NINL: variants seen among roughly 807,000 people sequenced by gnomAD.
The protein encoded by NINL is ninein like, also known as ninein-like protein.
Under a neutral mutation model 160.3 loss-of-function variants are expected in NINL, and 153 were observed. The ratio of observed to expected loss-of-function variants is 0.95; its 90% CI spans 0.84 to 1.09. The LOEUF (loss-of-function observed/expected upper bound fraction) is 1.09. NINL is among the 50% of genes least tolerant of loss of function. The pLI is 0.00. For missense variants in NINL, 1,829 were observed against 1,764.0 expected (o/e 1.04, Z -0.66); for synonymous variants, 800 against 734.8 (o/e 1.09, Z -1.43).
At chr20:25,484,236 G>GT (rs1381728878) in intron 13 of NINL, among the ~76,000 whole-genome samples, 1 of 152,208 alleles carries the variant, frequency 6.6e-6, no homozygotes, top group Non-Finnish European at 1.5e-5. Context: ...AACCCCAAAA[G>GT]TGAGTTTGCA....
chr20:25,577,743 CCT>C lies in NINL; in HGVS notation c.-12+7710_-12+7711del, dbSNP rs138080016. On this transcript the variant is annotated intron_variant, in intron 1 of 23. Coordinates refer to ENST00000278886, the MANE Select transcript of NINL (RefSeq NM_025176.6). Reference sequence around the variant, plus strand: ...CATCCTGGCGGGGGAGCCCACCACCCCTCTTTGTGTGGGGCCAGCAGAAGCTC... The same window carrying C: ...CATCCTGGCGGGGGAGCCCACCACCCCTTTGTGTGGGGCCAGCAGAAGCTC... 5.1e-4 allele frequency among the ~76,000 whole-genome samples: 77 copies of C among 152,296 alleles called. 1 individual carries two copies. The East Asian group carries it at 0.013, about 26-fold the overall frequency.
At chr20:25,472,058 A>G (rs1358917624) in intron 17 of NINL, among the ~76,000 whole-genome samples, 3 of 152,186 alleles carry the variant, frequency 2.0e-5, no homozygotes, top group South Asian at 2.1e-4. Flanking sequence ...GCAACAAGAA[A>G]CTATTGACAA....
chr20:25,508,023 A>G (rs914427994), intron 5 of NINL, among the ~76,000 whole-genome samples: 3 of 152,208 alleles, frequency 2.0e-5, no homozygotes, highest in African/African-American at 2.4e-5. Context: ...GGTGAAAAAC[A>G]GCCTCCTGCG....
rs758201864 is a variant in NINL at position 25,467,422 on chromosome 20, C to T, written c.3390G>A (p.Lys1130=). The stretch of plus-strand genomic sequence containing the variant: ...TGAGCACCTCCATCTCAGAGCAGGC[C>T]TTTTCCTTGTCTTTCTTTAAAACCT... ...EIEVLKKDKE[K]ACSEMEVLNR... Residue 1130 remains lysine, a synonymous_variant, in exon 19 of 24, where the codon AAG becomes AAA. Transcript: ENST00000278886. 6 of 1,614,136 alleles carry T rather than the reference C, an allele frequency of 3.7e-6. No homozygotes were observed. In the East Asian group the frequency reaches 1.3e-4, roughly 36 times the overall value.
chr20:25,564,135 CTT>C (rs201523304), intron 1 of NINL, among the ~76,000 whole-genome samples: 6 of 138,796 alleles, frequency 4.3e-5, no homozygotes, highest in East Asian at 4.2e-4. Flanking sequence ...GCTGAGGTGG[CTT>C]TTTTTTTTTT....
chr20:25,489,492 AG>A (rs2063575647), intron 12 of NINL, among the ~76,000 whole-genome samples, 168 bp from the exon 13 acceptor site: 1 of 150,558 alleles, frequency 6.6e-6, no homozygotes, highest in African/African-American at 2.4e-5. Context: ...CCCGTCTAGA[AG>A]GTCACAAGAC....
chr20:25,566,408 A>G (rs1315857893), intron 1 of NINL, among the ~76,000 whole-genome samples: 1 of 152,162 alleles, frequency 6.6e-6, no homozygotes, highest in Non-Finnish European at 1.5e-5. Context: ...TATAAGATAA[A>G]TTAAAGTCAA....
chr20:25,515,789 G>A (rs573294151), intron 3 of NINL, among the ~76,000 whole-genome samples: 137 of 151,638 alleles, frequency 9.0e-4, no homozygotes, highest in Middle Eastern at 3.4e-3. Context: ...TTGTTTTTTT[G>A]AGACAGAGTC....
chr20:25,571,052 T>G (rs1418430615), intron 1 of NINL, among the ~76,000 whole-genome samples: 1 of 152,060 alleles, frequency 6.6e-6, no homozygotes, highest in Non-Finnish European at 1.5e-5. Context: ...GCTCTATAAG[T>G]AGGTGTTGTC....
chr20:25,570,417 C>A (rs2065040417), intron 1 of NINL, among the ~76,000 whole-genome samples: 1 of 152,026 alleles, frequency 6.6e-6, no homozygotes, highest in Admixed American at 6.6e-5. Flanking sequence ...GCATGTGGCA[C>A]CTCCTCGCTT....
intron 5 of NINL, among the ~76,000 whole-genome samples, chr20:25,508,441 C>T (rs1326075755): frequency 5.9e-5 from 9 of 152,240 alleles, no homozygotes; most frequent in African/African-American, 1.2e-4. Flanking sequence ...GCATGGTCAG[C>T]GGCCTGCCTG....
At chr20:25,474,909 TCCCGAG>T (rs560242073) in intron 17 of NINL, among the ~76,000 whole-genome samples, 266 of 151,370 alleles carry the variant, frequency 1.8e-3, no homozygotes, top group Middle Eastern at 6.8e-3. Context: ...TGCCTTAGCC[TCCCGAG>T]TAGCTGGGAT....
chr20:25,537,054 A>G (rs555340033), intron 1 of NINL, among the ~76,000 whole-genome samples: 1 of 152,316 alleles, frequency 6.6e-6, no homozygotes, highest in African/African-American at 2.4e-5. Flanking sequence ...AGAGCGGGGT[A>G]GTTGATGTCA....
At chr20:25,552,520 TCAAA>T (rs1293495345) in intron 1 of NINL, among the ~76,000 whole-genome samples, 1 of 152,272 alleles carries the variant, frequency 6.6e-6, no homozygotes, top group Non-Finnish European at 1.5e-5. Context: ...ATCCTATTAA[TCAAA>T]CAGTGATGCC....
At chr20:25,568,477 T>A (rs1307569961) in intron 1 of NINL, among the ~76,000 whole-genome samples, 3 of 152,082 alleles carry the variant, frequency 2.0e-5, no homozygotes, top group Non-Finnish European at 2.9e-5. Flanking sequence ...GGCCTGATCA[T>A]GGCTCATAGC....
chr20:25,566,535 C>G (rs554172248), intron 1 of NINL, among the ~76,000 whole-genome samples: 24 of 152,174 alleles, frequency 1.6e-4, no homozygotes, highest in African/African-American at 4.8e-4. Context: ...ATGTGAGGGG[C>G]TGTAATGGGA....
At chr20:25,460,769 C>T (rs976097754) in intron 21 of NINL, among the ~76,000 whole-genome samples, 6 of 152,086 alleles carry the variant, frequency 3.9e-5, no homozygotes, top group Admixed American at 1.3e-4. Context: ...GGGCCAGCGC[C>T]GGGGGGGACC....
chr20:25,535,870 G>A (rs150861064), intron 1 of NINL, among the ~76,000 whole-genome samples: 2 of 152,266 alleles, frequency 1.3e-5, no homozygotes, highest in Non-Finnish European at 2.9e-5. Context: ...GGGAGCCAAG[G>A]GAAGGGAAAG....
chr20:25,453,555 C>G lies in NINL; in HGVS notation c.4045G>C (p.Glu1349Gln). ...HLVRALQATEEKQRGAEKQSR... is the reference protein window; with the variant it reads ...HLVRALQATEQKQRGAEKQSR... ...TGTTTCTCGGCGCCTCGCTGCTTCT[C>G]CTCGGTGGCCTGAAGTGCTCTCACC... The change falls in exon 24 of 24, where the codon GAG becomes CAG. Residue 1349 changes from glutamate (E) to glutamine (Q), a missense_variant. Physicochemically the swap from Glu to Gln is conservative, Grantham distance 29 (BLOSUM62 2). Coordinates refer to ENST00000278886, the MANE Select transcript of NINL (RefSeq NM_025176.6). The G allele has an allele frequency of 6.2e-7, 1 of 1,614,144 alleles. No homozygotes were observed. Among genetic ancestry groups the G allele is most frequent in the Non-Finnish European group, 8.5e-7 (1 of 1,180,012 alleles).
Sources: gnomAD v4.1 joint callset for allele counts (sites outside exome capture counted in the v4.1 genomes callset) on GRCh38, gnomAD v4.1.1 for gene constraint, MANE v1.5 for transcripts, NCBI Gene and HGNC (gene_info 2026-07-23, HGNC 2026-07-21) for gene names.